CAMTA1: variants seen among roughly 807,000 people sequenced by gnomAD.
CAMTA1 encodes calmodulin-binding transcription activator 1.
Under a neutral mutation model 170.9 loss-of-function variants are expected in CAMTA1, and 27 were observed. The observed-to-expected ratio is 0.16, with a 90% CI of 0.12 to 0.22. The LOEUF (loss-of-function observed/expected upper bound fraction) is 0.22. CAMTA1 is among the 10% of genes least tolerant of loss of function. CAMTA1 has a pLI of 1.00. For synonymous variants in CAMTA1, 833 were observed against 891.5 expected (o/e 0.93, Z 1.17); for missense variants, 1,619 against 2,217.2 (o/e 0.73, Z 5.42).
intron 3 of CAMTA1, among the ~76,000 whole-genome samples, chr1:7,046,455 G>A (rs537812377): frequency 1.3e-5 from 2 of 152,224 alleles, no homozygotes; most frequent in African/African-American, 4.8e-5. Flanking sequence ...CGTGGTTCTT[G>A]TGGCTGAAAT....
intron 4 of CAMTA1, among the ~76,000 whole-genome samples, chr1:7,175,252 T>C (rs1650551540): frequency 7.3e-6 from 1 of 136,350 alleles, no homozygotes; most frequent in Non-Finnish European, 1.7e-5. Flanking sequence ...CTGGCCACGG[T>C]GCGGCTGGCA....
intron 6 of CAMTA1, among the ~76,000 whole-genome samples, chr1:7,582,988 C>G (rs12076773): frequency 0.024 from 3,677 of 152,112 alleles, 125 homozygotes; most frequent in African/African-American, 0.083. Context: ...AAAGAGCCCT[C>G]TTCTCCAAGT....
chr1:7,709,658 C>T (rs1258641761), intron 11 of CAMTA1, among the ~76,000 whole-genome samples: 1 of 152,206 alleles, frequency 6.6e-6, no homozygotes, highest in Non-Finnish European at 1.5e-5. Flanking sequence ...AGCCCACTGT[C>T]TAGGGATGTG....
intron 3 of CAMTA1, among the ~76,000 whole-genome samples, chr1:7,051,760 G>T (rs1706401179): frequency 7.2e-6 from 1 of 139,816 alleles, no homozygotes; most frequent in African/African-American, 2.5e-5. Context: ...GCTCCCTCTG[G>T]ATTGTATTCA....
At chr1:7,746,801 T>C (rs1476678102) in intron 18 of CAMTA1, among the ~76,000 whole-genome samples, 1 of 152,152 alleles carries the variant, frequency 6.6e-6, no homozygotes, top group Non-Finnish European at 1.5e-5. Context: ...CACACCCGCC[T>C]AATTCTTGTA....
chr1:7,403,303 C>T (rs530030000), intron 5 of CAMTA1, among the ~76,000 whole-genome samples: 3 of 152,132 alleles, frequency 2.0e-5, no homozygotes, highest in Admixed American at 6.5e-5. Flanking sequence ...GAACCAGGAT[C>T]GTACCACTGC....
intron 10 of CAMTA1, among the ~76,000 whole-genome samples, chr1:7,675,097 G>A (rs928366925): frequency 3.9e-5 from 6 of 152,308 alleles, no homozygotes; most frequent in East Asian, 3.9e-4. Flanking sequence ...GAGGCCTCTC[G>A]CAGACTGGGA....
chr1:6,906,603 TCAAG>T (rs1156257840), intron 3 of CAMTA1, among the ~76,000 whole-genome samples: 1 of 152,150 alleles, frequency 6.6e-6, no homozygotes, highest in African/African-American at 2.4e-5. Flanking sequence ...TAATTATTGT[TCAAG>T]CAACAGAAGG....
chr1:7,752,456 C>G lies in CAMTA1; in HGVS notation c.4884-3C>G. The G allele has an allele frequency of 6.2e-7, 1 of 1,613,452 alleles. No homozygotes were observed. Among genetic ancestry groups the G allele is most frequent in the Non-Finnish European group, 8.5e-7 (1 of 1,179,628 alleles). On this transcript the variant is annotated splice_region_variant and splice_polypyrimidine_tract_variant and intron_variant, in intron 20 of 22. Transcript: ENST00000303635. ...TGTGACAATAATATTCTGACTTTTT[C>G]AGGAGCAGTTTGCTAACCAAAAAGC...
At chr1:7,126,487 T>C (rs6698911) in intron 4 of CAMTA1, among the ~76,000 whole-genome samples, 31,603 of 152,208 alleles carry the variant, frequency 0.21, 3,643 homozygotes, top group Non-Finnish European at 0.25. Context: ...AATGATAAGA[T>C]ATCAATTGGA....
intron 3 of CAMTA1, among the ~76,000 whole-genome samples, chr1:7,082,929 A>G (rs1378566136): frequency 6.6e-6 from 1 of 152,090 alleles, no homozygotes; most frequent in Non-Finnish European, 1.5e-5. Context: ...TCCCAGCTGT[A>G]TTTCCCAGGG....
At chr1:7,410,897 C>CTG (rs35763888) in intron 5 of CAMTA1, among the ~76,000 whole-genome samples, 2,026 of 141,506 alleles carry the variant, frequency 0.014, 50 homozygotes, top group African/African-American at 0.047. Context: ...GGGTGGGCGT[C>CTG]TGTGTGTGTG....
chr1:7,037,358 G>A (rs368709844), intron 3 of CAMTA1, among the ~76,000 whole-genome samples: 18 of 152,294 alleles, frequency 1.2e-4, no homozygotes, highest in African/African-American at 3.9e-4. Flanking sequence ...AGAGGCAGGC[G>A]GAGGAGCAGG....
intron 3 of CAMTA1, among the ~76,000 whole-genome samples, chr1:7,055,852 C>A (rs1433168641): frequency 1.3e-5 from 2 of 152,242 alleles, no homozygotes; most frequent in Non-Finnish European, 2.9e-5. Flanking sequence ...TGAAGTACTT[C>A]AGGGCTCAGC....
intron 3 of CAMTA1, among the ~76,000 whole-genome samples, chr1:7,045,463 C>CT (rs2101494748): frequency 6.6e-6 from 1 of 152,358 alleles, no homozygotes; most frequent in Admixed American, 6.5e-5. Flanking sequence ...GACTGCATGT[C>CT]TGACTAGTCA....
intron 3 of CAMTA1, among the ~76,000 whole-genome samples, chr1:6,977,793 C>T (rs986966448): frequency 1.3e-5 from 2 of 152,108 alleles, no homozygotes; most frequent in African/African-American, 4.8e-5. Flanking sequence ...AGTGCTGAAC[C>T]TGGGTTTTAA....
At chr1:7,492,177 G>A (rs762034204) in intron 6 of CAMTA1, among the ~76,000 whole-genome samples, 4 of 152,164 alleles carry the variant, frequency 2.6e-5, no homozygotes, top group Non-Finnish European at 5.9e-5. Flanking sequence ...TTGGTAGAGC[G>A]TCTTTCCCAT....
intron 4 of CAMTA1, among the ~76,000 whole-genome samples, chr1:7,139,000 AATAT>A (rs1365500875): frequency 6.9e-6 from 1 of 144,622 alleles, no homozygotes; most frequent in African/African-American, 2.5e-5. Context: ...GTCTCAAAAA[AATAT>A]ATATATATAT....
At chr1:7,383,081 G>A (rs566248840) in intron 5 of CAMTA1, among the ~76,000 whole-genome samples, 26 of 152,284 alleles carry the variant, frequency 1.7e-4, no homozygotes, top group African/African-American at 6.3e-4. Flanking sequence ...GTGGGAAGAA[G>A]TAAGATAATC....
Sources: gnomAD v4.1 joint callset for allele counts (sites outside exome capture counted in the v4.1 genomes callset) on GRCh38, gnomAD v4.1.1 for gene constraint, MANE v1.5 for transcripts, NCBI Gene and HGNC (gene_info 2026-07-23, HGNC 2026-07-21) for gene names.